The following EYS variants were observed in gnomAD, a reference collection of about 807,000 sequenced individuals.
EYS encodes protein eyes shut homolog.
EYS carries 250 observed loss-of-function variants against 282.1 expected under a neutral mutation model. The ratio of observed to expected loss-of-function variants is 0.89; its 90% CI spans 0.80 to 0.98. EYS has a LOEUF of 0.98. EYS is among the 50% of genes least tolerant of loss of function. The pLI is 0.00. For synonymous variants in EYS, 1,355 were observed against 1,282.9 expected (o/e 1.06, Z -1.20); for missense variants, 4,016 against 3,709.0 (o/e 1.08, Z -2.15).
intron 30 of EYS, among the ~76,000 whole-genome samples, chr6:64,282,834 TATGAATCTG>T (rs1276444987): frequency 6.6e-6 from 1 of 152,228 alleles, no homozygotes; most frequent in Non-Finnish European, 1.5e-5. Context: ...CAAAAGATAC[TATGAATCTG>T]ATGAATTCTC....
At chr6:64,899,272 C>G (rs1026968510) in intron 18 of EYS, among the ~76,000 whole-genome samples, 2 of 151,992 alleles carry the variant, frequency 1.3e-5, no homozygotes, top group African/African-American at 4.8e-5. Context: ...CACAGTGCAA[C>G]AAACTAGAAC....
At chr6:63,733,593 T>A (rs1768834698) in intron 41 of EYS, among the ~76,000 whole-genome samples, 1 of 152,092 alleles carries the variant, frequency 6.6e-6, no homozygotes, top group Admixed American at 6.6e-5. Context: ...TCCAGCTGTA[T>A]CTATGTGCTT....
intron 33 of EYS, among the ~76,000 whole-genome samples, chr6:64,012,829 A>G (rs1768704374): frequency 6.6e-6 from 1 of 152,208 alleles, no homozygotes; most frequent in South Asian, 2.1e-4. Flanking sequence ...ACTTTTGTCT[A>G]GCAAAAGCAA....
intron 26 of EYS, among the ~76,000 whole-genome samples, chr6:64,556,796 A>C (rs529992415): frequency 2.0e-5 from 3 of 151,960 alleles, no homozygotes; most frequent in Admixed American, 2.0e-4. Flanking sequence ...AATTGGAGAC[A>C]TAGATCTTCA....
chr6:63,865,520 T>C (rs1772650895), intron 35 of EYS, among the ~76,000 whole-genome samples: 1 of 152,166 alleles, frequency 6.6e-6, no homozygotes, highest in African/African-American at 2.4e-5. Context: ...ATACAGATCT[T>C]AGGAGTTTAC....
At chr6:63,940,994 C>G (rs978522252) in intron 35 of EYS, among the ~76,000 whole-genome samples, 2 of 152,086 alleles carry the variant, frequency 1.3e-5, no homozygotes, top group African/African-American at 4.8e-5. Flanking sequence ...TCATCCATTT[C>G]CCTGCAAAGG....
intron 15 of EYS, among the ~76,000 whole-genome samples, chr6:64,942,827 C>CAAAAAAAAAAAAA (rs34826658): frequency 2.1e-5 from 2 of 94,306 alleles, no homozygotes; most frequent in African/African-American, 6.8e-5. Context: ...GTAACTCTTC[C>CAAAAAAAAAAAAA]AAAAAAAAAA....
In EYS at chr6:64,546,040, A is replaced by C. The variant is rs1035201348; in HGVS notation, c.5644+44183T>G. Among the ~76,000 whole-genome samples, 24 of 152,260 alleles carry C rather than the reference A, an allele frequency of 1.6e-4. No homozygotes were observed. The South Asian group carries it at 1.7e-3, about 11-fold the overall frequency. ...AAACTACTTTAAAGTTCATATGGAA[A>C]CAAAAATGAGCCCGCATTGCCAAGT... On this transcript the variant is annotated intron_variant, in intron 26 of 42. Coordinates refer to ENST00000503581, the MANE Select transcript of EYS (RefSeq NM_001142800.2).
chr6:64,565,114 C>G (rs1319278496), intron 26 of EYS, among the ~76,000 whole-genome samples: 3 of 152,032 alleles, frequency 2.0e-5, no homozygotes, highest in African/African-American at 7.2e-5. Context: ...TAGATTGTCT[C>G]TTTATTGAAG....
At chr6:65,130,197 G>T (rs9445472) in intron 12 of EYS, among the ~76,000 whole-genome samples, 20,078 of 151,610 alleles carry the variant, frequency 0.13, 1,872 homozygotes, top group African/African-American at 0.26. Flanking sequence ...AAAAACTACC[G>T]CTTGAGTACT....
chr6:64,588,708 A>G (rs1307695654), intron 26 of EYS, among the ~76,000 whole-genome samples: 1 of 152,042 alleles, frequency 6.6e-6, no homozygotes, highest in Non-Finnish European at 1.5e-5. Flanking sequence ...TAATTACCAT[A>G]TTAAACTCTC....
chr6:65,128,801 T>A (rs1775788254), intron 12 of EYS, among the ~76,000 whole-genome samples: 2 of 151,888 alleles, frequency 1.3e-5, no homozygotes, highest in African/African-American at 4.8e-5. Flanking sequence ...TTTCACAGAA[T>A]CAGAAGAAAC....
intron 22 of EYS, among the ~76,000 whole-genome samples, chr6:64,648,759 T>C (rs1394957497): frequency 1.3e-5 from 2 of 152,190 alleles, no homozygotes; most frequent in Non-Finnish European, 2.9e-5. Context: ...GAATGGATTC[T>C]GGAGGGGGAA....
chr6:64,312,167 G>T (rs116130273), intron 29 of EYS, among the ~76,000 whole-genome samples: 1 of 151,952 alleles, frequency 6.6e-6, no homozygotes, highest in African/African-American at 2.4e-5. Context: ...ATCTGAGGTC[G>T]ACCTAGGATG....
intron 28 of EYS, among the ~76,000 whole-genome samples, chr6:64,398,319 G>A (rs1033060066): frequency 2.6e-5 from 4 of 151,860 alleles, no homozygotes; most frequent in South Asian, 2.1e-4. Flanking sequence ...ACTTGAACAC[G>A]CGTTAGGAGA....
chr6:65,195,870 C>A (rs1253255383), intron 12 of EYS, among the ~76,000 whole-genome samples: 1 of 151,970 alleles, frequency 6.6e-6, no homozygotes, highest in Non-Finnish European at 1.5e-5. Flanking sequence ...AAAAATAAAT[C>A]ATGCAACAGG....
chr6:64,285,125 C>T (rs1768449979), intron 30 of EYS, among the ~76,000 whole-genome samples: 2 of 152,168 alleles, frequency 1.3e-5, no homozygotes, highest in African/African-American at 4.8e-5. Context: ...AGTTTGTGAA[C>T]TTTTATGCTC....
chr6:65,434,361 C>A (rs565624385), intron 5 of EYS, among the ~76,000 whole-genome samples: 42 of 148,938 alleles, frequency 2.8e-4, no homozygotes, highest in African/African-American at 9.8e-4. Context: ...CGCTCTGTTG[C>A]CCAGGCTGGA....
At chr6:63,759,333 T>C (rs529814401) in intron 41 of EYS, among the ~76,000 whole-genome samples, 1 of 152,242 alleles carries the variant, frequency 6.6e-6, no homozygotes, top group East Asian at 1.9e-4. Flanking sequence ...TTGCCCAATG[T>C]CTAAGGTTAG....
Sources: gnomAD v4.1 joint callset for allele counts (sites outside exome capture counted in the v4.1 genomes callset) on GRCh38, gnomAD v4.1.1 for gene constraint, MANE v1.5 for transcripts, NCBI Gene and HGNC (gene_info 2026-07-23, HGNC 2026-07-21) for gene names.